ZMIZ1: variants seen among roughly 807,000 people sequenced by gnomAD.
ZMIZ1 encodes zinc finger MIZ-type containing 1.
A neutral mutation model predicts 113.9 loss-of-function variants in ZMIZ1; 17 were observed. The observed-to-expected ratio is 0.15, with a 90% confidence interval of 0.10 to 0.22. The LOEUF (loss-of-function observed/expected upper bound fraction) is 0.22. Among genes scored for constraint, ZMIZ1 ranks in the 10% least tolerant of loss-of-function variants. The probability of loss-of-function intolerance (pLI) is 1.00; values close to 1 mark genes in which losing one functional copy is unlikely to be tolerated. For missense variants in ZMIZ1, 1,059 were observed against 1,477.8 expected (o/e 0.72, Z 4.65); for synonymous variants, 607 against 603.1 (o/e 1.01, Z -0.09).
At chr10:79,116,014 T>C (rs551641045) in intron 1 of ZMIZ1, among the ~76,000 whole-genome samples, 1 of 152,338 alleles carries the variant, frequency 6.6e-6, no homozygotes, top group South Asian at 2.1e-4. Context: ...TTTGTTTTAA[T>C]AGATAATTAA....
chr10:79,279,588 G>A (rs1032959797), intron 8 of ZMIZ1, among the ~76,000 whole-genome samples: 4 of 152,222 alleles, frequency 2.6e-5, no homozygotes, highest in Admixed American at 6.5e-5. Flanking sequence ...CTGCAATCTC[G>A]GCACTTTGGG....
At chr10:79,202,936 G>A (rs1459453415) in intron 5 of ZMIZ1, among the ~76,000 whole-genome samples, 1 of 152,256 alleles carries the variant, frequency 6.6e-6, no homozygotes, top group Non-Finnish European at 1.5e-5. Flanking sequence ...TTCCCCATTT[G>A]TCAAATGGGG....
chr10:79,196,178 C>T (rs1046359674), intron 4 of ZMIZ1, among the ~76,000 whole-genome samples: 2 of 152,208 alleles, frequency 1.3e-5, no homozygotes, highest in African/African-American at 2.4e-5. Context: ...TGTCACCTCA[C>T]CTGTAGGTGC....
chr10:79,155,414 T>C (rs982630743), intron 3 of ZMIZ1, among the ~76,000 whole-genome samples: 1 of 152,238 alleles, frequency 6.6e-6, no homozygotes, highest in Admixed American at 6.5e-5. Context: ...GAATCCTAGT[T>C]TGAATCCTAG....
intron 3 of ZMIZ1, among the ~76,000 whole-genome samples, chr10:79,140,793 GT>G (rs1349342537): frequency 6.6e-6 from 1 of 152,096 alleles, no homozygotes; most frequent in Admixed American, 6.5e-5. Flanking sequence ...TTTTGTTTTT[GT>G]TTTTTTGAGG....
In ZMIZ1 at chr10:79,118,043, A is replaced by G. The variant is rs981230140; in HGVS notation, c.-336-872A>G. Among the ~76,000 whole-genome samples, 1 of 152,220 alleles carries G rather than the reference A, an allele frequency of 6.6e-6. No individual in the cohort carries two copies. The highest frequency in any genetic ancestry group is 2.4e-5 in the African/African-American group (1 of 41,456). On this transcript the variant is annotated intron_variant, in intron 1 of 24. Transcript: ENST00000334512. This position sits in a 1 kb window ranked among gnomAD's most constrained non-coding sequence, Gnocchi z 4.1. ...GCAGGAACTGGGGGGAGACAGCCAC[A>G]CAGCCTCCATCCCTGAGGAGATTTG...
rs1002788469 is a variant in ZMIZ1, at chr10:79,119,022, C to G, written c.-229C>G. The G allele has an allele frequency of 3.3e-5, 5 of 152,490 alleles. No individual in the cohort carries two copies. Among genetic ancestry groups the G allele is most frequent in the African/African-American group, 1.2e-4 (5 of 41,454 alleles). The allele number at this position is 152,490 out of a possible 1,614,324, so 9.4% of individuals were successfully genotyped here. A position where few individuals can be genotyped will look rare whatever the true frequency, so the allele number is the denominator to read the frequency against. ...CCTGGTCCTTCTGCAGAGGCCTGAG[C>G]AGGTAAGTGGGATGGGCTGGCCCTC... On this transcript the variant is annotated splice_region_variant and 5_prime_UTR_variant, in exon 2 of 25. Coordinates refer to ENST00000334512, the MANE Select transcript of ZMIZ1 (RefSeq NM_020338.4).
chr10:79,313,564 C>A lies in ZMIZ1; in HGVS notation c.*815C>A, dbSNP rs1429216166. 4.5e-5 allele frequency: 9 copies of A among 199,872 alleles called. No homozygotes were observed. In the East Asian group the frequency reaches 1.1e-3, roughly 25 times the overall value. The allele number at this position is 199,872 out of a possible 1,614,324, so 12.4% of individuals were successfully genotyped here. A position where few individuals can be genotyped will look rare whatever the true frequency, so the allele number is the denominator to read the frequency against. ...GGGGAACAGAGAGAGCAGGTGTACA[C>A]CCAACCAAAGTGATTGTGCCCTTGG... On this transcript the variant is annotated 3_prime_UTR_variant, in exon 25 of 25. Coordinates refer to ENST00000334512, the MANE Select transcript of ZMIZ1 (RefSeq NM_020338.4).
intron 7 of ZMIZ1, among the ~76,000 whole-genome samples, chr10:79,249,269 C>T (rs1249420729): frequency 6.6e-6 from 1 of 152,248 alleles, no homozygotes; most frequent in Non-Finnish European, 1.5e-5. Context: ...CTCCTGTGCA[C>T]ATCCAGGATC....
At chr10:79,135,998 G>C (rs1844992168) in intron 2 of ZMIZ1, among the ~76,000 whole-genome samples, 2 of 152,126 alleles carry the variant, frequency 1.3e-5, no homozygotes, top group African/African-American at 4.8e-5. Flanking sequence ...CTGGGGCTGA[G>C]GGCAGATGGA....
intron 1 of ZMIZ1, among the ~76,000 whole-genome samples, chr10:79,079,741 A>T (rs573040248): frequency 3.3e-5 from 5 of 152,192 alleles, no homozygotes; most frequent in Non-Finnish European, 5.9e-5. Context: ...TGTGAGACCT[A>T]CTAGGGGTGT....
chr10:79,147,378 C>G (rs1279695617), intron 3 of ZMIZ1, among the ~76,000 whole-genome samples: 1 of 152,168 alleles, frequency 6.6e-6, no homozygotes, highest in Admixed American at 6.5e-5. Flanking sequence ...AGAGTCCTCA[C>G]CAGAGAAAGG....
At chr10:79,272,110 A>T (rs140567568) in intron 7 of ZMIZ1, among the ~76,000 whole-genome samples, 3,777 of 151,784 alleles carry the variant, frequency 0.025, 148 homozygotes, top group African/African-American at 0.086. Context: ...CTCTACCAAA[A>T]ATATATATAT....
At chr10:79,212,203 G>A (rs2132697499) in intron 6 of ZMIZ1, among the ~76,000 whole-genome samples, 1 of 151,856 alleles carries the variant, frequency 6.6e-6, no homozygotes, top group Admixed American at 6.6e-5. Context: ...TGTCGTCCAG[G>A]CTGGAATGCA....
At chr10:79,220,699 CT>C (rs1456110688) in intron 7 of ZMIZ1, among the ~76,000 whole-genome samples, 1 of 152,226 alleles carries the variant, frequency 6.6e-6, no homozygotes, top group Admixed American at 6.5e-5. Context: ...CTTCCCGTGG[CT>C]TTCTCTGCCT....
intron 7 of ZMIZ1, among the ~76,000 whole-genome samples, chr10:79,245,441 G>C (rs948756470): frequency 2.0e-5 from 3 of 152,228 alleles, no homozygotes; most frequent in African/African-American, 7.2e-5. Flanking sequence ...CCTGGCGGAT[G>C]GTGGGTGCCC....
chr10:79,122,320 G>A (rs1473486370), intron 2 of ZMIZ1, among the ~76,000 whole-genome samples: 1 of 152,104 alleles, frequency 6.6e-6, no homozygotes, highest in Non-Finnish European at 1.5e-5. Flanking sequence ...CTTTGGCCGG[G>A]GTGGAGTGGC....
chr10:79,198,426 C>A (rs548736997), intron 4 of ZMIZ1, among the ~76,000 whole-genome samples: 1 of 151,944 alleles, frequency 6.6e-6, no homozygotes, highest in Admixed American at 6.6e-5. Context: ...GCTCCCTCAC[C>A]CCCCTCCTCC....
intron 2 of ZMIZ1, among the ~76,000 whole-genome samples, 179 bp downstream of exon 2, chr10:79,119,203 A>C (rs147432097): frequency 5.3e-5 from 8 of 152,290 alleles, no homozygotes; most frequent in Non-Finnish European, 1.0e-4. Flanking sequence ...AGAAAGCCAC[A>C]CAGTGGAGGG....
Sources: allele counts gnomAD v4.1 joint callset (sites outside exome capture counted in the v4.1 genomes callset), GRCh38; gene constraint gnomAD v4.1.1; non-coding constraint Gnocchi (gnomAD v3.1); transcripts MANE v1.5; gene names NCBI Gene and HGNC (gene_info 2026-07-23, HGNC 2026-07-21).